The following HUNK variants were observed in gnomAD, a reference collection of about 807,000 sequenced individuals.
HUNK encodes the protein hormonally up-regulated neu tumor-associated kinase.
HUNK carries 21 observed loss-of-function variants against 61.0 expected under a neutral mutation model. That is an observed-to-expected ratio of 0.34 (90% CI 0.24 to 0.50). The LOEUF (loss-of-function observed/expected upper bound fraction) is 0.50. Among genes scored for constraint, HUNK ranks in the 20% least tolerant of loss-of-function variants. HUNK has a pLI of 0.98. For synonymous variants in HUNK, 371 were observed against 386.1 expected (o/e 0.96, Z 0.46); for missense variants, 772 against 945.7 (o/e 0.82, Z 2.41).
intron 1 of HUNK, among the ~76,000 whole-genome samples, chr21:31,901,080 C>T (rs971239255): frequency 2.6e-5 from 4 of 152,124 alleles, no homozygotes; most frequent in Non-Finnish European, 4.4e-5. Context: ...TTTATAAGGA[C>T]GCCAGTCATA....
chr21:31,947,744 C>T (rs938141557), intron 4 of HUNK, among the ~76,000 whole-genome samples: 4 of 152,156 alleles, frequency 2.6e-5, no homozygotes, highest in African/African-American at 9.7e-5. Context: ...CATCCCCTGT[C>T]AGTGATGGTA....
At chr21:31,962,394 A>G (rs2052935244) in intron 5 of HUNK, among the ~76,000 whole-genome samples, 1 of 152,240 alleles carries the variant, frequency 6.6e-6, no homozygotes, top group Non-Finnish European at 1.5e-5. Context: ...ACGCAGTCTT[A>G]GCAGGCTGGG....
chr21:31,986,691 C>T (rs1051207933), intron 8 of HUNK, among the ~76,000 whole-genome samples: 24 of 152,286 alleles, frequency 1.6e-4, no homozygotes, highest in African/African-American at 4.1e-4. Context: ...CCACAGCCTT[C>T]GGGCTTGCTG....
At position 31,990,167 on chromosome 21, in the gene HUNK, T is replaced by C; in HGVS notation, c.1296T>C (p.His432=). 1 of 1,613,858 alleles carries C rather than the reference T, an allele frequency of 6.2e-7. No homozygotes were observed. Among genetic ancestry groups the C allele is most frequent in the Non-Finnish European group, 8.5e-7 (1 of 1,179,786 alleles). The change falls in exon 9 of 11, where the codon CAT becomes CAC. Residue 432 remains histidine (H), a synonymous_variant. Transcript: ENST00000270112. ...CCTGGACACGAGATCTTGAATTCCA[T>C]GCCGTGCAGGTAAGAACTTGGGGGA... ...LDTWTRDLEF[H]AVQDKKPKEQ... is the part of the protein sequence containing the mutation.
At chr21:31,993,935 G>A (rs981518255) in intron 9 of HUNK, among the ~76,000 whole-genome samples, 5 of 152,254 alleles carry the variant, frequency 3.3e-5, no homozygotes, top group Admixed American at 1.3e-4. Context: ...CTCTGGAACC[G>A]CCTGACCCTG....
chr21:31,888,485 C>T (rs2052364020), intron 1 of HUNK, among the ~76,000 whole-genome samples: 1 of 152,140 alleles, frequency 6.6e-6, no homozygotes, highest in South Asian at 2.1e-4. Context: ...GCCTGTATTC[C>T]CAGCACTTTG....
chr21:31,908,114 AG>A (rs1302206135), intron 1 of HUNK, among the ~76,000 whole-genome samples: 5 of 152,196 alleles, frequency 3.3e-5, no homozygotes, highest in African/African-American at 1.2e-4. Context: ...ATTGTATAAA[AG>A]CATTTAAAGA....
At chr21:31,906,643 T>C (rs1305721121) in intron 1 of HUNK, among the ~76,000 whole-genome samples, 1 of 151,964 alleles carries the variant, frequency 6.6e-6, no homozygotes, top group Non-Finnish European at 1.5e-5. Context: ...TTGCCCAGGC[T>C]GGTCTTGAAC....
intron 1 of HUNK, among the ~76,000 whole-genome samples, chr21:31,891,842 CTTG>C (rs1020082391): frequency 2.6e-5 from 4 of 152,036 alleles, no homozygotes; most frequent in African/African-American, 9.7e-5. Flanking sequence ...AACTAGAGGG[CTTG>C]TTGTTGGTTT....
intron 5 of HUNK, among the ~76,000 whole-genome samples, chr21:31,967,265 C>T (rs2052973823): frequency 6.6e-6 from 1 of 152,092 alleles, no homozygotes. Context: ...GTGGGAAGGT[C>T]ACCTGAGCCA....
At chr21:31,935,438 A>G (rs1198957302) in intron 2 of HUNK, among the ~76,000 whole-genome samples, 2 of 152,230 alleles carry the variant, frequency 1.3e-5, no homozygotes, top group African/African-American at 4.8e-5. Flanking sequence ...AGTTTACCTT[A>G]GGGTTCACTC....
chr21:31,918,789 A>G (rs1022735224), intron 1 of HUNK, among the ~76,000 whole-genome samples: 3 of 152,204 alleles, frequency 2.0e-5, no homozygotes, highest in Non-Finnish European at 2.9e-5. Context: ...TAACTTCATC[A>G]TGTCTGCAGA....
chr21:31,882,942 A>T (rs2052319355), intron 1 of HUNK, among the ~76,000 whole-genome samples: 2 of 151,998 alleles, frequency 1.3e-5, no homozygotes, highest in Admixed American at 1.3e-4. Context: ...TTAATTAGTT[A>T]TTGCATAGTA....
rs71193166 is a variant in HUNK at position 31,979,515 on chromosome 21, C to CTTTTTTTTTT, written c.1174-3992_1174-3983dup. ...TTCTGGCTATTGAGTTGTTTGCATT[C>CTTTTTTTTTT]TTTTTTTTTTTTTTTTTTTTTTTTT... On this transcript the variant is annotated intron_variant, in intron 7 of 10. Coordinates refer to ENST00000270112, the MANE Select transcript of HUNK (RefSeq NM_014586.2). Among the ~76,000 whole-genome samples, 20 of 34,348 alleles carry CTTTTTTTTTT rather than the reference C, an allele frequency of 5.8e-4. 6 individuals are homozygous for CTTTTTTTTTT. The highest frequency in any genetic ancestry group is 9.7e-4 in the Non-Finnish European group (17 of 17,588). 22.5% of individuals were successfully genotyped at this position (34,348 alleles called of 152,430 possible). A position where few individuals can be genotyped will look rare whatever the true frequency, so the allele number is the denominator to read the frequency against.
At chr21:31,887,390 T>C (rs1301605105) in intron 1 of HUNK, among the ~76,000 whole-genome samples, 1 of 152,196 alleles carries the variant, frequency 6.6e-6, no homozygotes, top group Non-Finnish European at 1.5e-5. Context: ...TTGACTGTAA[T>C]TTTTTTATAA....
rs139883515 is a variant in HUNK, at chr21:31,932,028, C to A, written c.554+7268C>A. Among the ~76,000 whole-genome samples, 129 of 152,336 alleles carry A rather than the reference C, an allele frequency of 8.5e-4. 2 individuals carry two copies. In the East Asian group the frequency reaches 0.02, roughly 24 times the overall value. ...ATGTGCAAACATGTGTACATTCATA[C>A]ACCCATGGATGCGTGCACATGCATG... On this transcript the variant is annotated intron_variant, in intron 2 of 10. Transcript: ENST00000270112.
chr21:31,942,082 C>T (rs1291046015), intron 3 of HUNK, among the ~76,000 whole-genome samples: 4 of 152,166 alleles, frequency 2.6e-5, no homozygotes, highest in East Asian at 1.9e-4. Flanking sequence ...TGGTAGCGTG[C>T]GCCTATAATC....
intron 3 of HUNK, among the ~76,000 whole-genome samples, chr21:31,944,140 C>T (rs58101315): frequency 0.17 from 25,512 of 152,270 alleles, 3,140 homozygotes; most frequent in African/African-American, 0.34. Context: ...AGTGCAGTGG[C>T]GCAGTCTTGG....
chr21:31,910,025 C>A (rs1170977171), intron 1 of HUNK, among the ~76,000 whole-genome samples: 1 of 152,224 alleles, frequency 6.6e-6, no homozygotes, highest in Non-Finnish European at 1.5e-5. Flanking sequence ...CTGCCCAAAT[C>A]ATTTCCTCCA....
Sources: gnomAD v4.1 joint callset for allele counts (sites outside exome capture counted in the v4.1 genomes callset) on GRCh38, gnomAD v4.1.1 for gene constraint, MANE v1.5 for transcripts, NCBI Gene and HGNC (gene_info 2026-07-23, HGNC 2026-07-21) for gene names.